SRSF12: variants seen among roughly 807,000 people sequenced by gnomAD.
The protein encoded by SRSF12 is serine and arginine rich splicing factor 12, also known as serine/arginine-rich splicing factor 12.
A neutral mutation model predicts 34.1 loss-of-function variants in SRSF12; 21 were observed. The ratio of observed to expected loss-of-function variants is 0.62; its 90% CI spans 0.44 to 0.89. The LOEUF (loss-of-function observed/expected upper bound fraction) is 0.89, where lower values mean the gene tolerates loss of function less well. Among genes scored for constraint, SRSF12 ranks in the 40% least tolerant of loss-of-function variants. The pLI, the probability that SRSF12 is intolerant of heterozygous loss-of-function variation, is 0.00. For missense variants in SRSF12, 278 were observed against 327.8 expected (o/e 0.85, Z 1.17); for synonymous variants, 111 against 110.8 (o/e 1.00, Z -0.01).
At chr6:89,111,377 T>C (rs1769044014) in intron 1 of SRSF12, among the ~76,000 whole-genome samples, 1 of 152,222 alleles carries the variant, frequency 6.6e-6, no homozygotes, top group Non-Finnish European at 1.5e-5. Flanking sequence ...CATTTTTTGT[T>C]AACTGTTTTC....
In SRSF12 at chr6:89,098,967, T is replaced by C; in HGVS notation, c.417-20A>G. On this transcript the variant is annotated intron_variant, in intron 4 of 4. Transcript: ENST00000452027. ...CGAGACCTGCAAACATCCATAATGTTAGAGCATATATTTCACACAAAATAA... is the reference window on the plus strand; with the variant it reads ...CGAGACCTGCAAACATCCATAATGTCAGAGCATATATTTCACACAAAATAA... 1 of 1,591,302 alleles carries C rather than the reference T, an allele frequency of 6.3e-7. No homozygotes were observed. The highest frequency in any genetic ancestry group is 8.6e-7 in the Non-Finnish European group (1 of 1,168,880).
chr6:89,116,433 T>C (rs1769296215), intron 1 of SRSF12, among the ~76,000 whole-genome samples: 1 of 152,222 alleles, frequency 6.6e-6, no homozygotes, highest in Admixed American at 6.5e-5. Context: ...AACTAAGATA[T>C]ATTAACCACA....
At chr6:89,106,395 G>A (rs1484368465) in intron 2 of SRSF12, among the ~76,000 whole-genome samples, 2 of 152,182 alleles carry the variant, frequency 1.3e-5, no homozygotes, top group African/African-American at 2.4e-5. Flanking sequence ...TTACAGGCAT[G>A]AGCCACCGCA....
rs1332760541 is a variant in SRSF12, at chr6:89,099,480, ATGTGTG to A, written c.417-539_417-534del. Among the ~76,000 whole-genome samples the A allele has an allele frequency of 6.3e-3, 891 of 142,412 alleles. 14 individuals carry two copies. Among genetic ancestry groups the A allele is most frequent in the African/African-American group, 0.024 (859 of 35,446 alleles). The allele number at this position is 142,412 out of a possible 152,430, so 93.4% of individuals were successfully genotyped here. A position where few individuals can be genotyped will look rare whatever the true frequency, so the allele number is the denominator to read the frequency against. ...TGTATATATGTGTGTGTATATATAT[ATGTGTG>A]TGTATATATATATGTGTGTATATAT... On this transcript the variant is annotated intron_variant, in intron 4 of 4. Coordinates refer to ENST00000452027, the MANE Select transcript of SRSF12 (RefSeq NM_080743.5).
rs777284287 is a variant in SRSF12 at position 89,107,067 on chromosome 6, A to T, written c.170+87T>A. 3 of 1,219,878 alleles carry T rather than the reference A, an allele frequency of 2.5e-6. No homozygotes were observed. The South Asian group carries it at 3.7e-5, about 15-fold the overall frequency. The allele number at this position is 1,219,878 out of a possible 1,614,324, so 75.6% of individuals were successfully genotyped here. A position where few individuals can be genotyped will look rare whatever the true frequency, so the allele number is the denominator to read the frequency against. ...TAAACACATTTAATTAGGCAATATTAATCTCATAACATATGCTACTGAATA... is the reference window on the plus strand; with the variant it reads ...TAAACACATTTAATTAGGCAATATTTATCTCATAACATATGCTACTGAATA... On this transcript the variant is annotated intron_variant, in intron 2 of 4. Transcript: ENST00000452027.
intron 1 of SRSF12, among the ~76,000 whole-genome samples, chr6:89,112,954 T>G (rs1769127183): frequency 6.6e-6 from 1 of 152,158 alleles, no homozygotes; most frequent in African/African-American, 2.4e-5. Context: ...TATTCAGTAT[T>G]GTAACATGCT....
chr6:89,099,680 C>T (rs577046864), intron 4 of SRSF12, among the ~76,000 whole-genome samples: 2 of 151,992 alleles, frequency 1.3e-5, no homozygotes, highest in African/African-American at 2.4e-5. Flanking sequence ...GGATTACAGG[C>T]ATGCGCCACC....
In SRSF12 at chr6:89,114,355, G is replaced by C. The variant is rs139073490; in HGVS notation, c.65+3468C>G. 4.5e-3 allele frequency among the ~76,000 whole-genome samples: 692 copies of C among 152,286 alleles called. 9 individuals are homozygous for C. Among genetic ancestry groups the C allele is most frequent in the Non-Finnish European group, 8.2e-3 (561 of 68,020 alleles). On this transcript the variant is annotated intron_variant, in intron 1 of 4. Coordinates refer to ENST00000452027, the MANE Select transcript of SRSF12 (RefSeq NM_080743.5). ...AGGCAGGAGAACTGCTTGAGCCCAG[G>C]AGGCGGAGGTTGCAGTGAGCCGAGA... is the stretch of plus-strand genomic sequence containing the variant.
chr6:89,104,925 G>A (rs1408681503), intron 4 of SRSF12, among the ~76,000 whole-genome samples, 194 bp downstream of exon 4: 1 of 151,948 alleles, frequency 6.6e-6, no homozygotes, highest in Non-Finnish European at 1.5e-5. Flanking sequence ...GTGTGGTGGT[G>A]CACACCTGTA....
chr6:89,113,747 G>A (rs924666218), intron 1 of SRSF12, among the ~76,000 whole-genome samples: 2 of 152,084 alleles, frequency 1.3e-5, no homozygotes, highest in Admixed American at 1.3e-4. Flanking sequence ...GGGCTCAGGC[G>A]ATCCTCCCAC....
rs756613734 is a variant in SRSF12 at position 89,098,729 on chromosome 6, G to A, written c.635C>T (p.Ser212Leu). Residue 212 changes from serine (S) to leucine (L), a missense_variant, in exon 5 of 5, where the codon TCA becomes TTA. Transcript: ENST00000452027. ...TATTGAGTCAGAATGTCTTCCATGT[G>A]ATCTTGATTTTGTTCCTGAGCTAGT... ...KQTSSGTKSR[S>L]HGRHSDSIAR... 2 of 1,613,928 alleles carry A rather than the reference G, an allele frequency of 1.2e-6. No homozygotes were observed. Among genetic ancestry groups the A allele is most frequent in the Non-Finnish European group, 8.5e-7 (1 of 1,179,878 alleles).
chr6:89,108,448 G>A (rs1279969906), intron 1 of SRSF12, among the ~76,000 whole-genome samples: 1 of 152,186 alleles, frequency 6.6e-6, no homozygotes, highest in Admixed American at 6.6e-5. Context: ...AGCTCACTGA[G>A]CCAGCAAGTG....
intron 4 of SRSF12, among the ~76,000 whole-genome samples, chr6:89,101,389 C>G (rs945124547): frequency 6.6e-6 from 1 of 152,150 alleles, no homozygotes; most frequent in African/African-American, 2.4e-5. Flanking sequence ...ACACTGGGCA[C>G]ATCACAGTGA....
chr6:89,103,320 CAATTTA>C (rs1315888209), intron 4 of SRSF12, among the ~76,000 whole-genome samples: 1 of 150,964 alleles, frequency 6.6e-6, no homozygotes, highest in East Asian at 1.9e-4. Context: ...TAGAAACAAT[CAATTTA>C]AATTCTTTTT....
intron 4 of SRSF12, among the ~76,000 whole-genome samples, chr6:89,100,889 G>T (rs528097671): frequency 6.6e-6 from 1 of 152,246 alleles, no homozygotes; most frequent in African/African-American, 2.4e-5. Flanking sequence ...TGGATCACCT[G>T]AGGTCAGGAG....
rs1324604161 is a variant in SRSF12 at position 89,098,907 on chromosome 6, G to A, written c.457C>T (p.Arg153Cys). The change falls in exon 5 of 5, where the codon CGT becomes TGT. Residue 153 changes from arginine to cysteine, a missense_variant. Coordinates refer to ENST00000452027, the MANE Select transcript of SRSF12 (RefSeq NM_080743.5). ...GACCGCCTTGGTAATGATTTGGAAC[G>A]AGATTTAGACTGGCTATAAGAAAAT... is the stretch of plus-strand genomic sequence containing the variant. Reference protein sequence around the residue: ...RRFSYSQSKSRSKSLPRRSTS... With the variant: ...RRFSYSQSKSCSKSLPRRSTS... 3 of 1,613,732 alleles carry A rather than the reference G, an allele frequency of 1.9e-6. No homozygotes were observed. Among genetic ancestry groups the A allele is most frequent in the Non-Finnish European group, 2.5e-6 (3 of 1,179,870 alleles).
At position 89,098,002 on chromosome 6, in the gene SRSF12, A is replaced by G. The variant is rs1435176854; in HGVS notation, c.*576T>C. 6.6e-6 allele frequency: 1 copy of G among 152,318 alleles called. No individual in the cohort carries two copies. The allele number at this position is 152,318 out of a possible 1,614,324, so 9.4% of individuals were successfully genotyped here. A position where few individuals can be genotyped will look rare whatever the true frequency, so the allele number is the denominator to read the frequency against. ...ACCTATACTGTTCTACCCAATAAAA[A>G]TATAACCTTTGAGCTTAGGAGAGAA... On this transcript the variant is annotated 3_prime_UTR_variant, in exon 5 of 5. Transcript: ENST00000452027.
At chr6:89,116,101 C>A (rs955171473) in intron 1 of SRSF12, among the ~76,000 whole-genome samples, 20 of 152,186 alleles carry the variant, frequency 1.3e-4, no homozygotes, top group African/African-American at 4.6e-4. Context: ...GATGCTGCAC[C>A]TTTTAGATGG....
chr6:89,110,537 G>A (rs1193890881), intron 1 of SRSF12, among the ~76,000 whole-genome samples: 2 of 152,146 alleles, frequency 1.3e-5, no homozygotes. Flanking sequence ...TTGTAGGAGG[G>A]GACCAGTCAG....
Sources: gnomAD v4.1 joint callset for allele counts (sites outside exome capture counted in the v4.1 genomes callset) on GRCh38, gnomAD v4.1.1 for gene constraint, MANE v1.5 for transcripts, NCBI Gene and HGNC (gene_info 2026-07-23, HGNC 2026-07-21) for gene names.